ATG7: variants seen among roughly 807,000 people sequenced by gnomAD.
The protein encoded by ATG7 is ubiquitin-like modifier-activating enzyme ATG7.
ATG7 carries 70 observed loss-of-function variants against 82.4 expected under a neutral mutation model. The ratio of observed to expected loss-of-function variants is 0.85; its 90% CI spans 0.70 to 1.04. The LOEUF (loss-of-function observed/expected upper bound fraction) is 1.04. ATG7 is among the 50% of genes least tolerant of loss of function. The pLI, the probability that ATG7 is intolerant of heterozygous loss-of-function variation, is 0.00. For synonymous variants in ATG7, 287 were observed against 313.0 expected (o/e 0.92, Z 0.88); for missense variants, 792 against 864.3 (o/e 0.92, Z 1.05).
chr3:11,547,995 C>G (rs2071433705), intron 20 of ATG7, among the ~76,000 whole-genome samples: 1 of 152,110 alleles, frequency 6.6e-6, no homozygotes, highest in Non-Finnish European at 1.5e-5. Flanking sequence ...GTGTGCACCA[C>G]CACACCCAAC....
intron 20 of ATG7, among the ~76,000 whole-genome samples, chr3:11,541,102 A>G (rs12633602): frequency 0.18 from 26,749 of 151,822 alleles, 2,894 homozygotes; most frequent in Admixed American, 0.32. Flanking sequence ...GGGTTTCACC[A>G]TGTTAGCCAG....
chr3:11,395,726 G>A (rs2079161061), intron 19 of ATG7, among the ~76,000 whole-genome samples: 1 of 151,700 alleles, frequency 6.6e-6, no homozygotes, highest in Non-Finnish European at 1.5e-5. Context: ...AGATCACGAG[G>A]TCAGGAGATC....
chr3:11,516,808 C>T (rs1238966716), intron 20 of ATG7, among the ~76,000 whole-genome samples: 5 of 152,178 alleles, frequency 3.3e-5, no homozygotes, highest in African/African-American at 9.7e-5. Flanking sequence ...TGAGGCTTGG[C>T]GCAGTGGCTC....
chr3:11,551,977 G>C (rs1302585829), intron 20 of ATG7, among the ~76,000 whole-genome samples: 1 of 152,186 alleles, frequency 6.6e-6, no homozygotes, highest in Non-Finnish European at 1.5e-5. Flanking sequence ...TCGAACTCCT[G>C]ACCTCAAGTG....
At position 11,284,940 on chromosome 3, in the gene ATG7, G is replaced by A. The variant is rs946181591; in HGVS notation, c.-11+2502G>A. 2.0e-4 allele frequency among the ~76,000 whole-genome samples: 30 copies of A among 149,764 alleles called. 1 individual carries two copies. Among genetic ancestry groups the A allele is most frequent in the Admixed American group, 1.7e-3 (26 of 14,892 alleles). On this transcript the variant is annotated intron_variant, in intron 3 of 20. Transcript: ENST00000693202. ...TGGCTCACTGCAAGCTCCGCCTCCC[G>A]GGTTCACGCCATTCTCCTGCCTCAG...
chr3:11,398,138 G>A (rs544880808), intron 19 of ATG7, among the ~76,000 whole-genome samples: 1 of 151,378 alleles, frequency 6.6e-6, no homozygotes, highest in African/African-American at 2.4e-5. Context: ...GATGAAAAAA[G>A]GATACCAAAA....
chr3:11,418,521 C>G (rs2081627302), intron 19 of ATG7, among the ~76,000 whole-genome samples: 1 of 152,188 alleles, frequency 6.6e-6, no homozygotes, highest in African/African-American at 2.4e-5. Flanking sequence ...GTAAAACTCA[C>G]AAAAGCATGG....
chr3:11,428,018 T>C (rs1205377412), intron 20 of ATG7, among the ~76,000 whole-genome samples: 1 of 152,194 alleles, frequency 6.6e-6, no homozygotes, highest in Non-Finnish European at 1.5e-5. Flanking sequence ...ATGTTGTGTT[T>C]CCACAAACTA....
In ATG7 at chr3:11,325,747, C is replaced by T. The variant is rs188165906; in HGVS notation, c.679-5593C>T. On this transcript the variant is annotated intron_variant, in intron 9 of 20. Transcript: ENST00000693202. ...AAGTTAAGTAAATTGCTAAAGGTTACACAAGAGCAAGTGATCCAGAATGTT... is the reference window on the plus strand; with the variant it reads ...AAGTTAAGTAAATTGCTAAAGGTTATACAAGAGCAAGTGATCCAGAATGTT... 1.3e-4 allele frequency among the ~76,000 whole-genome samples: 20 copies of T among 151,994 alleles called. No individual in the cohort carries two copies. In the East Asian group the frequency reaches 3.7e-3, roughly 28 times the overall value.
intron 19 of ATG7, among the ~76,000 whole-genome samples, chr3:11,400,407 G>C (rs2079722438): frequency 6.6e-6 from 1 of 152,168 alleles, no homozygotes; most frequent in African/African-American, 2.4e-5. Flanking sequence ...GAAGACAACA[G>C]AAAATAAATA....
At chr3:11,575,458 C>A in the ATG7 span, among the ~76,000 whole-genome samples, 1 of 152,170 alleles carries the variant, frequency 6.6e-6, no homozygotes, top group Non-Finnish European at 1.5e-5. Flanking sequence ...TGAGTCTGCC[C>A]CTCTCTCTCC....
Position 11,364,619 on chromosome 3 carries a change from TTGGATTAAA to T in ATG7, c.1800-37_1800-29del, listed in dbSNP as rs1435243146. 6 of 1,600,356 alleles carry T rather than the reference TTGGATTAAA, an allele frequency of 3.7e-6. No homozygotes were observed. The Admixed American group carries it at 1.0e-4, about 27-fold the overall frequency. On this transcript the variant is annotated intron_variant, in intron 17 of 20. Transcript: ENST00000693202. ...TAGATCATCCTCCCATGTGTTAAAC[TTGGATTAAA>T]TGAGCAGCTCTGATTGTTTCCTGTC...
At chr3:11,464,617 G>T (rs2086652817) in intron 20 of ATG7, among the ~76,000 whole-genome samples, 1 of 152,166 alleles carries the variant, frequency 6.6e-6, no homozygotes, top group African/African-American at 2.4e-5. Context: ...TGGACTTGTT[G>T]TTTTAATTAT....
At chr3:11,569,631 G>C in the ATG7 span, among the ~76,000 whole-genome samples, 1 of 152,184 alleles carries the variant, frequency 6.6e-6, no homozygotes, top group Non-Finnish European at 1.5e-5. Context: ...CAGCCCTTTC[G>C]TCCTCTCTCT....
At chr3:11,391,390 T>C (rs1435882201) in intron 19 of ATG7, among the ~76,000 whole-genome samples, 1 of 152,196 alleles carries the variant, frequency 6.6e-6, no homozygotes, top group Non-Finnish European at 1.5e-5. Context: ...TCCTGGAGGC[T>C]GAAGATCTGT....
intron 20 of ATG7, among the ~76,000 whole-genome samples, chr3:11,482,354 T>A (rs2089100484): frequency 6.6e-6 from 1 of 152,160 alleles, no homozygotes; most frequent in Admixed American, 6.5e-5. Context: ...CACCTTTCCC[T>A]TAGGTTGGAA....
Position 11,364,826 on chromosome 3 carries a change from A to T in ATG7, c.1875+92A>T, listed in dbSNP as rs1387223973. Reference sequence around the variant, plus strand: ...CCATTCCATCTGCCCAGCCCACTTCATATCCACCCTACTTACCCTGCAGCT... The same window carrying T: ...CCATTCCATCTGCCCAGCCCACTTCTTATCCACCCTACTTACCCTGCAGCT... On this transcript the variant is annotated intron_variant, in intron 18 of 20. Coordinates refer to ENST00000693202, the MANE Select transcript of ATG7 (RefSeq NM_001349232.2). The T allele has an allele frequency of 3.7e-6, 5 of 1,336,006 alleles. No homozygotes were observed. The East Asian group carries it at 9.3e-5, about 25-fold the overall frequency. The allele number at this position is 1,336,006 out of a possible 1,614,324, so 82.8% of individuals were successfully genotyped here.
chr3:11,459,492 C>A (rs1296166614), intron 20 of ATG7, among the ~76,000 whole-genome samples: 1 of 60,504 alleles, frequency 1.7e-5, no homozygotes, highest in East Asian at 8.4e-4. Flanking sequence ...AAAACAGGAG[C>A]CAAGTGTTTT....
At chr3:11,320,236 A>T (rs1559388180) in intron 9 of ATG7, among the ~76,000 whole-genome samples, 2 of 151,180 alleles carry the variant, frequency 1.3e-5, no homozygotes, top group Admixed American at 1.3e-4. Context: ...TGACCTCTAT[A>T]AAAAGGTTTA....
Sources: gnomAD v4.1 joint callset for allele counts (sites outside exome capture counted in the v4.1 genomes callset) on GRCh38, gnomAD v4.1.1 for gene constraint, MANE v1.5 for transcripts, NCBI Gene and HGNC (gene_info 2026-07-23, HGNC 2026-07-21) for gene names.